TRPC7: variants seen among roughly 807,000 people sequenced by gnomAD.
TRPC7 encodes transient receptor potential cation channel subfamily C member 7.
TRPC7 carries 42 observed loss-of-function variants against 90.1 expected under a neutral mutation model. The observed-to-expected ratio is 0.47, with a 90% CI of 0.36 to 0.60. The LOEUF (loss-of-function observed/expected upper bound fraction) is 0.60, where lower values mean the gene tolerates loss of function less well. Among genes scored for constraint, TRPC7 ranks in the 20% least tolerant of loss-of-function variants. TRPC7 has a pLI of 0.00. For synonymous variants in TRPC7, 451 were observed against 436.3 expected (o/e 1.03, Z -0.42); for missense variants, 955 against 1,112.3 (o/e 0.86, Z 2.01).
chr5:136,291,016 C>G (rs1036879386), intron 3 of TRPC7, among the ~76,000 whole-genome samples: 5 of 152,182 alleles, frequency 3.3e-5, no homozygotes, highest in African/African-American at 4.8e-5. Context: ...AATTTTCAAC[C>G]CAGAATTTCA....
chr5:136,220,678 C>T (rs182195485), intron 10 of TRPC7, among the ~76,000 whole-genome samples: 255 of 152,242 alleles, frequency 1.7e-3, no homozygotes, highest in African/African-American at 5.8e-3. Context: ...TTGCTTTGCC[C>T]TTTGCCTTGT....
At chr5:136,282,210 C>T (rs1210229520) in intron 3 of TRPC7, among the ~76,000 whole-genome samples, 1 of 152,118 alleles carries the variant, frequency 6.6e-6, no homozygotes, top group Non-Finnish European at 1.5e-5. Context: ...GTTGATGGAA[C>T]TGGGATGGGG....
intron 5 of TRPC7, among the ~76,000 whole-genome samples, chr5:136,261,208 T>C (rs1453476327): frequency 6.6e-6 from 1 of 152,196 alleles, no homozygotes; most frequent in Non-Finnish European, 1.5e-5. Flanking sequence ...TTTATAATAA[T>C]TAAAGAGCTC....
intron 4 of TRPC7, among the ~76,000 whole-genome samples, chr5:136,267,768 G>A (rs1049086812): frequency 6.6e-6 from 1 of 152,056 alleles, no homozygotes; most frequent in Non-Finnish European, 1.5e-5. Flanking sequence ...AAAAATCTAG[G>A]TTTTAAAAAA....
chr5:136,360,049 A>T (rs1561734304), intron 1 of TRPC7, among the ~76,000 whole-genome samples: 1 of 152,152 alleles, frequency 6.6e-6, no homozygotes. Context: ...TCTGCTCAAG[A>T]GGGAGAATAG....
chr5:136,286,605 G>T (rs1443138286), intron 3 of TRPC7, among the ~76,000 whole-genome samples: 1 of 152,194 alleles, frequency 6.6e-6, no homozygotes, highest in African/African-American at 2.4e-5. Flanking sequence ...CTGAACAAAT[G>T]ATGTTAGCAT....
At position 136,251,632 on chromosome 5, in the gene TRPC7, A is replaced by C. The variant is rs748039590; in HGVS notation, c.1579+17T>G. On this transcript the variant is annotated intron_variant, in intron 6 of 11. Transcript: ENST00000513104. ...GGAAGCGCCAAAATGGAGTAGGGGA[A>C]GCACTCTCCGACTCACCGTAGGTGA... 4 of 1,571,930 alleles carry C rather than the reference A, an allele frequency of 2.5e-6. No homozygotes were observed. Among genetic ancestry groups the C allele is most frequent in the Non-Finnish European group, 1.7e-6 (2 of 1,151,428 alleles).
At chr5:136,363,737 T>C (rs1221371283) in intron 1 of TRPC7, among the ~76,000 whole-genome samples, 1 of 152,190 alleles carries the variant, frequency 6.6e-6, no homozygotes. Context: ...GTAACATCAT[T>C]TAGAGAAGAA....
chr5:136,365,019 G>A (rs1158674793), intron 1 of TRPC7, among the ~76,000 whole-genome samples: 5 of 152,012 alleles, frequency 3.3e-5, no homozygotes, highest in African/African-American at 1.2e-4. Context: ...ATAGGCTACC[G>A]ACATGAGTTG....
intron 2 of TRPC7, among the ~76,000 whole-genome samples, chr5:136,349,363 C>A (rs149330809): frequency 6.6e-6 from 1 of 152,110 alleles, no homozygotes; most frequent in Non-Finnish European, 1.5e-5. Context: ...TCAGCAAGAC[C>A]CTCTGAATAG....
At chr5:136,354,543 C>T (rs1381102429) in intron 2 of TRPC7, among the ~76,000 whole-genome samples, 1 of 152,184 alleles carries the variant, frequency 6.6e-6, no homozygotes, top group Non-Finnish European at 1.5e-5. Flanking sequence ...CATGGCCTCA[C>T]CTACATACAA....
chr5:136,228,876 C>T (rs763512815), intron 8 of TRPC7, among the ~76,000 whole-genome samples: 3 of 152,186 alleles, frequency 2.0e-5, no homozygotes, highest in Admixed American at 6.5e-5. Flanking sequence ...CTGCATGTCG[C>T]GGCCCCTTTC....
chr5:136,260,375 A>C (rs1410594193), intron 5 of TRPC7, among the ~76,000 whole-genome samples: 1 of 151,746 alleles, frequency 6.6e-6, no homozygotes, highest in Non-Finnish European at 1.5e-5. Context: ...AGGACTTGCA[A>C]ATTTAAATAG....
chr5:136,244,636 C>T (rs1343622119), intron 7 of TRPC7, among the ~76,000 whole-genome samples: 4 of 152,354 alleles, frequency 2.6e-5, no homozygotes, highest in Admixed American at 2.0e-4. Flanking sequence ...GGTCTGATCA[C>T]AGAAAGTAAG....
intron 4 of TRPC7, among the ~76,000 whole-genome samples, chr5:136,271,727 C>A (rs766187024): frequency 2.6e-5 from 4 of 152,190 alleles, no homozygotes; most frequent in African/African-American, 9.7e-5. Flanking sequence ...CCCAGATGAA[C>A]CTGTCCCATG....
chr5:136,303,851 A>T (rs899989309), intron 3 of TRPC7: 1 of 151,546 alleles, frequency 6.6e-6, no homozygotes, highest in Non-Finnish European at 1.5e-5. Flanking sequence ...TAACTCTCAC[A>T]GTGGAGGGTA....
At chr5:136,237,132 T>C (rs1756005294) in intron 7 of TRPC7, among the ~76,000 whole-genome samples, 1 of 152,152 alleles carries the variant, frequency 6.6e-6, no homozygotes, top group Non-Finnish European at 1.5e-5. Flanking sequence ...TTGAGGATGG[T>C]TAAATGCCTG....
At chr5:136,343,422 A>G (rs2149853685) in intron 2 of TRPC7, among the ~76,000 whole-genome samples, 1 of 152,286 alleles carries the variant, frequency 6.6e-6, no homozygotes, top group Admixed American at 6.5e-5. Context: ...CTACTTTGCT[A>G]GAAAATAGGA....
chr5:136,352,222 T>G (rs75172859), intron 2 of TRPC7, among the ~76,000 whole-genome samples: 16 of 152,302 alleles, frequency 1.1e-4, no homozygotes, highest in Admixed American at 3.3e-4. Flanking sequence ...GCTTTCTCTT[T>G]CCTTCCAAAG....
Sources: allele counts gnomAD v4.1 joint callset (sites outside exome capture counted in the v4.1 genomes callset), GRCh38; gene constraint gnomAD v4.1.1; transcripts MANE v1.5; gene names NCBI Gene and HGNC (gene_info 2026-07-23, HGNC 2026-07-21).